PPP1R7: variants seen among roughly 807,000 people sequenced by gnomAD.
PPP1R7 encodes protein phosphatase 1 regulatory subunit 7, also known as protein phosphatase 1 regulatory subunit 22.
In PPP1R7, 18 loss-of-function variants were observed where a neutral mutation model predicts 45.2. The observed-to-expected ratio is 0.40, with a 90% confidence interval of 0.28 to 0.59. PPP1R7 has a LOEUF of 0.59. Ranked by LOEUF, PPP1R7 falls within the 20% of genes least tolerant of loss-of-function variation. PPP1R7 has a pLI of 0.46. For missense variants in PPP1R7, 314 were observed against 455.8 expected, an observed-to-expected ratio of 0.69 and a Z score of 2.83; for synonymous variants, 181 against 183.4, an observed-to-expected ratio of 0.99 and a Z score of 0.11.
chr2:241,155,286 T>C (rs2067428677), intron 2 of PPP1R7: 1 of 152,166 alleles, frequency 6.6e-6, no homozygotes, highest in Admixed American at 6.5e-5. Context: ...AGTGTGGTAA[T>C]GTGTTATAGA....
chr2:241,173,109 T>TA (rs1440748361), intron 9 of PPP1R7, among the ~76,000 whole-genome samples: 1 of 151,766 alleles, frequency 6.6e-6, no homozygotes, highest in Non-Finnish European at 1.5e-5. Flanking sequence ...CCGTCTCAAC[T>TA]AAAAATTCAA....
intron 1 of PPP1R7, 151 bp downstream of exon 1, chr2:241,150,698 C>CG: frequency 8.1e-7 from 1 of 1,235,832 alleles, no homozygotes; most frequent in South Asian, 2.1e-5. Context: ...CCCGGGGGAG[C>CG]GGGGGAGGCG....
intron 9 of PPP1R7, among the ~76,000 whole-genome samples, chr2:241,181,315 G>A (rs1345756614): frequency 1.3e-5 from 2 of 152,230 alleles, no homozygotes; most frequent in East Asian, 3.9e-4. Flanking sequence ...TGTGACAGTG[G>A]ACCTGGTGCA....
At chr2:241,163,422 C>T (rs911286992) in intron 7 of PPP1R7, 21 bp downstream of exon 7, 12 of 1,550,370 alleles carry the variant, frequency 7.7e-6, no homozygotes, top group Non-Finnish European at 9.8e-6. Flanking sequence ...TCCTGAGCCG[C>T]CCTTCCCTGC....
intron 7 of PPP1R7, among the ~76,000 whole-genome samples, chr2:241,164,007 C>T (rs1427489324): frequency 6.6e-6 from 1 of 152,120 alleles, no homozygotes; most frequent in Non-Finnish European, 1.5e-5. Context: ...GCCTCACACT[C>T]CTAGGCTCAA....
At chr2:241,180,305 C>A (rs1273197490) in intron 9 of PPP1R7, among the ~76,000 whole-genome samples, 1 of 143,298 alleles carries the variant, frequency 7.0e-6, no homozygotes, top group African/African-American at 2.7e-5. Context: ...GGTGTTCAGT[C>A]TTTGGGCTTC....
At chr2:241,159,089 C>G (rs1380318940) in intron 4 of PPP1R7, 124 bp from the exon 5 acceptor site, 14 of 1,216,334 alleles carry the variant, frequency 1.2e-5, no homozygotes, top group Non-Finnish European at 1.6e-5. Flanking sequence ...TTCTAGGAAA[C>G]AGCAGGAGAA....
intron 9 of PPP1R7, among the ~76,000 whole-genome samples, chr2:241,172,703 A>G (rs1288323785): frequency 6.6e-6 from 1 of 151,396 alleles, no homozygotes; most frequent in Non-Finnish European, 1.5e-5. Context: ...CTTTTCTGGC[A>G]TTGTTTATTC....
chr2:241,165,911 A>T (rs4361123), intron 7 of PPP1R7, among the ~76,000 whole-genome samples: 9,306 of 112,614 alleles, frequency 0.083, 529 homozygotes, highest in East Asian at 0.25. Context: ...ATATATATAT[A>T]TTTTTTTTTG....
intron 2 of PPP1R7, among the ~76,000 whole-genome samples, chr2:241,156,613 G>A (rs548188128): frequency 6.6e-6 from 1 of 152,318 alleles, no homozygotes; most frequent in South Asian, 2.1e-4. Flanking sequence ...GTTCAAGGCT[G>A]CAGTGAGCTA....
Position 241,166,483 on chromosome 2 carries a change from G to T in PPP1R7, c.819+42G>T, listed in dbSNP as rs376083922. On this transcript the variant is annotated intron_variant, in intron 8 of 9. Transcript: ENST00000234038. ...CTGTCTGGGGCTGTGTGGGCGGTGG[G>T]CACCAGGCGGGCAGGCACCTGGCCA... is the stretch of plus-strand genomic sequence containing the variant. The T allele has an allele frequency of 2.9e-5, 45 of 1,577,092 alleles. No individual in the cohort carries two copies. The African/African-American group carries it at 5.5e-4, about 19-fold the overall frequency.
At position 241,169,885 on chromosome 2, in the gene PPP1R7, T is replaced by C. The variant is rs1401439636; in HGVS notation, c.906+18T>C. 45 of 1,564,350 alleles carry C rather than the reference T, an allele frequency of 2.9e-5. No homozygotes were observed. Among genetic ancestry groups the C allele is most frequent in the Non-Finnish European group, 3.9e-5 (44 of 1,134,974 alleles). The stretch of plus-strand genomic sequence containing the variant: ...AGTTCTGGGTAAGTTTAATACACGC[T>C]GGGGTTGATGACACTTTGACTAAAC... On this transcript the variant is annotated intron_variant, in intron 9 of 9. Transcript: ENST00000234038.
At chr2:241,162,371 A>C (rs1349234586) in intron 6 of PPP1R7, among the ~76,000 whole-genome samples, 1 of 152,212 alleles carries the variant, frequency 6.6e-6, no homozygotes, top group Non-Finnish European at 1.5e-5. Flanking sequence ...TCTGAGAGAG[A>C]GTGAACTGAC....
Position 241,153,617 on chromosome 2 carries a change from G to A in PPP1R7, c.181+13G>A, listed in dbSNP as rs762044131. 3.3e-5 allele frequency: 53 copies of A among 1,613,008 alleles called. 1 individual carries two copies. The East Asian group carries it at 1.1e-3, about 34-fold the overall frequency. On this transcript the variant is annotated intron_variant, in intron 2 of 9. Coordinates refer to ENST00000234038, the MANE Select transcript of PPP1R7 (RefSeq NM_002712.3). ...GAGGACCCAGAAGGTACCAGGCCCAGCTCCCTTGGGGACATCTGCTGGTTG... is the reference window on the plus strand; with the variant it reads ...GAGGACCCAGAAGGTACCAGGCCCAACTCCCTTGGGGACATCTGCTGGTTG...
At position 241,157,732 on chromosome 2, in the gene PPP1R7, C is replaced by T. The variant is rs2067490498; in HGVS notation, c.182-75C>T. The stretch of plus-strand genomic sequence containing the variant: ...CTGGGCACCAAACAGCCCCAGACCT[C>T]AGCCAGAAGCAGCTCTTCACCAGTG... On this transcript the variant is annotated intron_variant, in intron 2 of 9. Transcript: ENST00000234038. 7 of 1,448,272 alleles carry T rather than the reference C, an allele frequency of 4.8e-6. No individual in the cohort carries two copies. In the South Asian group the frequency reaches 8.4e-5, roughly 17 times the overall value. 89.7% of individuals were successfully genotyped at this position (1,448,272 alleles called of 1,614,324 possible). A position where few individuals can be genotyped will look rare whatever the true frequency, so the allele number is the denominator to read the frequency against.
intron 9 of PPP1R7, among the ~76,000 whole-genome samples, chr2:241,181,946 G>T (rs1015800618): frequency 6.6e-6 from 1 of 151,362 alleles, no homozygotes; most frequent in East Asian, 1.9e-4. Context: ...GGCTCCCCTT[G>T]TTCTGGAGAT....
chr2:241,180,130 C>T (rs189771782), intron 9 of PPP1R7, among the ~76,000 whole-genome samples: 2 of 152,336 alleles, frequency 1.3e-5, no homozygotes, highest in East Asian at 3.9e-4. Context: ...AGACCTCCCA[C>T]GCCAGAGCTG....
At chr2:241,162,054 C>T (rs1363905386) in intron 6 of PPP1R7, among the ~76,000 whole-genome samples, 3 of 152,188 alleles carry the variant, frequency 2.0e-5, no homozygotes, top group Admixed American at 2.0e-4. Flanking sequence ...GTGGTTTTGG[C>T]AACAGTCTCT....
upstream of PPP1R7, chr2:241,149,900 G>C: frequency 7.0e-7 from 1 of 1,438,512 alleles, no homozygotes. Context: ...CCCCACCAGC[G>C]CAAGTGCCCC....
Sources: allele counts gnomAD v4.1 joint callset (sites outside exome capture counted in the v4.1 genomes callset), GRCh38; gene constraint gnomAD v4.1.1; transcripts MANE v1.5; gene names NCBI Gene and HGNC (gene_info 2026-07-23, HGNC 2026-07-21).